ABCG2: variants seen among roughly 807,000 people sequenced by gnomAD.
ABCG2 encodes ATP binding cassette subfamily G member 2 (JR blood group).
A neutral mutation model predicts 73.5 loss-of-function variants in ABCG2; 80 were observed. That is an observed-to-expected ratio of 1.09 (90% CI 0.91 to 1.31). The LOEUF is 1.31. Ranked by LOEUF, ABCG2 falls within the 50% of genes most tolerant of loss-of-function variation. The probability of loss-of-function intolerance (pLI) is 0.00; values close to 1 mark genes in which losing one functional copy is unlikely to be tolerated. For synonymous variants in ABCG2, 269 were observed against 282.4 expected (o/e 0.95, Z 0.48); for missense variants, 796 against 786.2 (o/e 1.01, Z -0.15).
chr4:88,093,795 C>G (rs1560646191), intron 15 of ABCG2, among the ~76,000 whole-genome samples: 1 of 152,142 alleles, frequency 6.6e-6, no homozygotes, highest in Non-Finnish European at 1.5e-5. Context: ...TCAACATTCT[C>G]TTTTCTCTCA....
intron 6 of ABCG2, 96 bp from the exon 7 acceptor site, chr4:88,118,356 A>T (rs1413082547): frequency 7.5e-7 from 1 of 1,333,184 alleles, no homozygotes; most frequent in African/African-American, 1.5e-5. Flanking sequence ...TGTTTGCTCT[A>T]GTTCAGCCTG....
rs762920151 is a variant in ABCG2, at chr4:88,114,946, G to C, written c.943+11C>G. On this transcript the variant is annotated intron_variant, in intron 8 of 15. Coordinates refer to ENST00000237612, the MANE Select transcript of ABCG2 (RefSeq NM_004827.3). ...TAGGCAAAAATCTGGGACTGTAACA[G>C]ATTCATATACCTTTAAAGTCTTCTT... The C allele has an allele frequency of 8.2e-6, 13 of 1,585,338 alleles. No homozygotes were observed. Among genetic ancestry groups the C allele is most frequent in the Non-Finnish European group, 1.0e-5 (12 of 1,157,142 alleles).
chr4:88,127,221 G>A (rs547568046), intron 5 of ABCG2, among the ~76,000 whole-genome samples: 1 of 152,278 alleles, frequency 6.6e-6, no homozygotes, highest in East Asian at 1.9e-4. Context: ...TACAAAAGAT[G>A]TGAAAAACCT....
intron 1 of ABCG2, among the ~76,000 whole-genome samples, chr4:88,210,645 T>G (rs989533151): frequency 6.6e-6 from 1 of 150,480 alleles, no homozygotes; most frequent in Non-Finnish European, 1.5e-5. Flanking sequence ...CAGGCTGGAG[T>G]GCAGTGGTAC....
Position 88,115,025 on chromosome 4 carries a change from T to C in ABCG2, c.875A>G (p.Asp292Gly), listed in dbSNP as rs775844319. 25 of 1,612,980 alleles carry C rather than the reference T, an allele frequency of 1.5e-5. No individual in the cohort carries two copies. In the South Asian group the frequency reaches 2.6e-4, roughly 17 times the overall value. The change falls in exon 8 of 16, where the codon GAC becomes GGC. Residue 292 changes from aspartate to glycine, a missense_variant. By Grantham distance (94) the Asp-to-Gly change is moderately conservative. Transcript: ENST00000237612. Reference sequence around the variant, plus strand: ...TCCATTAATGATGTCCAAGAAGAAGTCTGCAGGGTTATTATAGGCCTCACA... The same window carrying C: ...TCCATTAATGATGTCCAAGAAGAAGCCTGCAGGGTTATTATAGGCCTCACA... Reference protein sequence around the residue: ...YHCEAYNNPADFFLDIINGDS... With the variant: ...YHCEAYNNPAGFFLDIINGDS...
At chr4:88,223,871 C>CG (rs1730097916) in intron 1 of ABCG2, 2 of 23,452 alleles carry the variant, frequency 8.5e-5, no homozygotes, top group Non-Finnish European at 2.5e-4. Context: ...ACCAGAAAGG[C>CG]ATTTTTTTTT....
At chr4:88,158,790 C>A (rs532441327), upstream of ABCG2, 153 of 344,240 alleles carry the variant, frequency 4.4e-4, no homozygotes, top group Non-Finnish European at 5.0e-5. Context: ...CTGGAGGTCA[C>A]GATGGGAGCC....
At chr4:88,194,416 G>A (rs1728845771) in intron 1 of ABCG2, among the ~76,000 whole-genome samples, 1 of 151,910 alleles carries the variant, frequency 6.6e-6, no homozygotes. Context: ...AGGGCATGGT[G>A]GCAGGCGCCT....
rs904284717 is a variant in ABCG2 at position 88,092,163 on chromosome 4, C to T, written c.*71G>A. ...AAGGGAACAGAAAACAACAAAAAAA[C>T]TTGATTGAATACTTCAATCAAAGTG... On this transcript the variant is annotated 3_prime_UTR_variant, in exon 16 of 16. Transcript: ENST00000237612. 2 of 1,402,004 alleles carry T rather than the reference C, an allele frequency of 1.4e-6. No homozygotes were observed. Among genetic ancestry groups the T allele is most frequent in the Non-Finnish European group, 9.7e-7 (1 of 1,031,978 alleles). The allele number at this position is 1,402,004 out of a possible 1,614,324, so 86.8% of individuals were successfully genotyped here.
intron 1 of ABCG2, among the ~76,000 whole-genome samples, chr4:88,211,115 T>A (rs1031387381): frequency 1.5e-4 from 23 of 151,348 alleles, no homozygotes; most frequent in African/African-American, 2.9e-4. Flanking sequence ...AAAAAAAATA[T>A]ATATATATAT....
At chr4:88,118,498 T>C (rs1427462736) in intron 6 of ABCG2, among the ~76,000 whole-genome samples, 1 of 152,226 alleles carries the variant, frequency 6.6e-6, no homozygotes, top group Non-Finnish European at 1.5e-5. Flanking sequence ...CTAGAATAGT[T>C]ATTAAAAATG....
rs1240795047 is a variant in ABCG2, at chr4:88,202,374, A to ATATATATATATATATG, written c.-20+28619_-20+28620insCATATATATATATATA. Among the ~76,000 whole-genome samples the ATATATATATATATATG allele has an allele frequency of 3.0e-4, 35 of 115,770 alleles. 1 individual carries two copies. The highest frequency in any genetic ancestry group is 1.1e-3 in the South Asian group (4 of 3,596). The allele number at this position is 115,770 out of a possible 152,430, so 75.9% of individuals were successfully genotyped here. A position where few individuals can be genotyped will look rare whatever the true frequency, so the allele number is the denominator to read the frequency against. On this transcript the variant is annotated intron_variant, in intron 1 of 15. Transcript: ENST00000515655. ...ATTATTTATATATATATATATATAT[A>ATATATATATATATATG]TATGTATATTTTAATTAGCTGGGCA...
At chr4:88,140,530 G>A (rs1444590260) in intron 1 of ABCG2, among the ~76,000 whole-genome samples, 2 of 152,316 alleles carry the variant, frequency 1.3e-5, no homozygotes, top group Admixed American at 1.3e-4. Context: ...GCTGAGGCAG[G>A]AGAATGGCTT....
At chr4:88,151,446 T>G (rs1255175884) in intron 1 of ABCG2, among the ~76,000 whole-genome samples, 1 of 152,154 alleles carries the variant, frequency 6.6e-6, no homozygotes, top group Non-Finnish European at 1.5e-5. Context: ...GCAGTAAAAA[T>G]TATGAACAGA....
chr4:88,094,828 A>C (rs1578165132), intron 14 of ABCG2, among the ~76,000 whole-genome samples, 169 bp from the exon 15 acceptor site: 1 of 152,376 alleles, frequency 6.6e-6, no homozygotes, highest in East Asian at 1.9e-4. Flanking sequence ...CCTGGCAATC[A>C]AGAAACCTAG....
chr4:88,190,405 T>C (rs1728639951), intron 1 of ABCG2, among the ~76,000 whole-genome samples: 1 of 152,216 alleles, frequency 6.6e-6, no homozygotes, highest in African/African-American at 2.4e-5. Flanking sequence ...ATAAAACCTG[T>C]TGTACAGGAA....
In ABCG2 at chr4:88,230,127, G is replaced by A. The variant is rs548005465; in HGVS notation, c.-20+867C>T. On this transcript the variant is annotated intron_variant, in intron 1 of 15. Coordinates refer to the ABCG2 transcript ENST00000515655. ...CCTGCCTCAGCCTTCCAAGTAGCTG[G>A]GATTACAGGCGTGTGACACCACGCC... 1.9e-4 allele frequency among the ~76,000 whole-genome samples: 28 copies of A among 149,372 alleles called. No homozygotes were observed. In the South Asian group the frequency reaches 6.0e-3, roughly 32 times the overall value.
chr4:88,121,756 C>T lies in ABCG2; in HGVS notation c.568G>A (p.Glu190Lys), dbSNP rs1440596412. 1.9e-6 allele frequency: 3 copies of T among 1,613,706 alleles called. No homozygotes were observed. In the East Asian group the frequency reaches 6.7e-5, roughly 36 times the overall value. The change falls in exon 6 of 16, where the codon GAA becomes AAA. Residue 190 changes from glutamate (E) to lysine (K), a missense_variant. Coordinates refer to ENST00000237612, the MANE Select transcript of ABCG2 (RefSeq NM_004827.3). The stretch of plus-strand genomic sequence containing the variant: ...ATTCCTATACTAGTCCTTTTTCTTT[C>T]TCCTCCAGACACACCACGGATAAAC... Reference protein sequence around the residue: ...TQFIRGVSGGERKRTSIGMEL... With the variant: ...TQFIRGVSGGKRKRTSIGMEL...
chr4:88,107,457 T>C (rs1221061456), intron 9 of ABCG2, among the ~76,000 whole-genome samples, 191 bp from the exon 10 acceptor site: 1 of 152,182 alleles, frequency 6.6e-6, no homozygotes, highest in Admixed American at 6.5e-5. Context: ...CTTCCTAAGT[T>C]AAAAATTAAG....
Sources: gnomAD v4.1 joint callset for allele counts (sites outside exome capture counted in the v4.1 genomes callset) on GRCh38, gnomAD v4.1.1 for gene constraint, MANE v1.5 for transcripts, NCBI Gene and HGNC (gene_info 2026-07-23, HGNC 2026-07-21) for gene names.